PROX2: variants seen among roughly 807,000 people sequenced by gnomAD.
The protein encoded by PROX2 is prospero homeobox protein 2.
A neutral mutation model predicts 48.9 loss-of-function variants in PROX2; 46 were observed. That is an observed-to-expected ratio of 0.94 (90% CI 0.74 to 1.20). The LOEUF (loss-of-function observed/expected upper bound fraction) is 1.20, where lower values mean the gene tolerates loss of function less well. Ranked by LOEUF, PROX2 falls within the 50% of genes most tolerant of loss-of-function variation. PROX2 has a pLI of 0.00. For missense variants in PROX2, 663 were observed against 719.4 expected (o/e 0.92, Z 0.90); for synonymous variants, 260 against 276.6 (o/e 0.94, Z 0.60).
At position 74,857,210 on chromosome 14, in the gene PROX2, A is replaced by G. The variant is rs959888557; in HGVS notation, c.1414-215T>C. On this transcript the variant is annotated intron_variant, in intron 4 of 5. Transcript: ENST00000556489. ...AATTAGCTACAGTGCCCATTAGAAC[A>G]TAACTTTTTTTTGATATGCTAGATT... 2.8e-5 allele frequency: 13 copies of G among 469,308 alleles called. No individual in the cohort carries two copies. The South Asian group carries it at 5.5e-4, about 20-fold the overall frequency. The allele number at this position is 469,308 out of a possible 1,614,324, so 29.1% of individuals were successfully genotyped here. A position where few individuals can be genotyped will look rare whatever the true frequency, so the allele number is the denominator to read the frequency against.
chr14:74,858,639 C>T (rs780479124), intron 3 of PROX2, 125 bp from the exon 4 acceptor site: 1 of 609,816 alleles, frequency 1.6e-6, no homozygotes, highest in Non-Finnish European at 2.9e-6. Flanking sequence ...TGTGTATTTG[C>T]TCCATTTTTC....
In PROX2 at chr14:74,863,337, A is replaced by G. The variant is rs756058004; in HGVS notation, c.498T>C (p.Cys166=). 8.7e-6 allele frequency: 14 copies of G among 1,614,024 alleles called. No individual in the cohort carries two copies. Among genetic ancestry groups the G allele is most frequent in the Non-Finnish European group, 1.2e-5 (14 of 1,179,892 alleles). Residue 166 remains cysteine (C), a synonymous_variant, in exon 3 of 6, where the codon TGT becomes TGC. Coordinates refer to ENST00000556489, the MANE Select transcript of PROX2 (RefSeq NM_001243007.2). ...PRDTAQGPGG[C]GTGKGPLSAK... ...CACTCAGAGGGCCTTTCCCCGTGCC[A>G]CAGCCTCCTGGCCCCTGAGCTGTGT...
intron 2 of PROX2, among the ~76,000 whole-genome samples, chr14:74,868,614 C>G (rs867633040): frequency 6.6e-6 from 1 of 151,326 alleles, no homozygotes; most frequent in Middle Eastern, 3.2e-3. Flanking sequence ...GCAGGCGGAT[C>G]ACGAGGTCAG....
chr14:74,861,206 C>A (rs115463631), intron 3 of PROX2: 1 of 1,352,590 alleles, frequency 7.4e-7, no homozygotes, highest in African/African-American at 1.5e-5. Context: ...CACGACTGTT[C>A]CCACCTGGAT....
chr14:74,870,074 A>T (rs1883172038), intron 2 of PROX2, among the ~76,000 whole-genome samples: 1 of 152,058 alleles, frequency 6.6e-6, no homozygotes, highest in African/African-American at 2.4e-5. Context: ...AGTTTATGTA[A>T]CATTATTTTA....
chr14:74,868,313 T>TTATATATATA (rs4026383), intron 2 of PROX2, among the ~76,000 whole-genome samples: 94 of 53,778 alleles, frequency 1.7e-3, no homozygotes, highest in East Asian at 3.2e-3. Flanking sequence ...TTTCTCGTAA[T>TTATATATATA]TATATATATA....
chr14:74,874,020 T>G (rs139539569), intron 1 of PROX2: 36 of 519,296 alleles, frequency 6.9e-5, no homozygotes, highest in African/African-American at 5.4e-4. Context: ...GTGCCTGTTA[T>G]CTAACAGGAT....
intron 3 of PROX2, 107 bp downstream of exon 3, chr14:74,862,423 T>G: frequency 7.7e-7 from 1 of 1,301,270 alleles, no homozygotes; most frequent in East Asian, 2.4e-5. Context: ...TGAACACCTG[T>G]CCTCAAGTAA....
rs2091803162 is a variant in PROX2, at chr14:74,862,596, G to A, written c.1239C>T (p.Pro413=). ...SAHLESLPLL[P]SVKMEQRGLH... ...GGCCTCTCTGTTCCATCTTCACCGA[G>A]GGAAGAAGGGGTAGACTTTCCAGAT... Residue 413 remains proline, a synonymous_variant, in exon 3 of 6, where the codon CCC becomes CCT. Coordinates refer to ENST00000556489, the MANE Select transcript of PROX2 (RefSeq NM_001243007.2). 3.1e-6 allele frequency: 5 copies of A among 1,613,878 alleles called. No homozygotes were observed. The highest frequency in any genetic ancestry group is 3.4e-6 in the Non-Finnish European group (4 of 1,179,892).
intron 2 of PROX2, among the ~76,000 whole-genome samples, 171 bp downstream of exon 2, chr14:74,870,932 C>T (rs1424166700): frequency 6.6e-6 from 1 of 152,148 alleles, no homozygotes; most frequent in East Asian, 1.9e-4. Flanking sequence ...ATCCCAGCTA[C>T]TTGGGAGGCT....
rs1253490667 is a variant in PROX2, at chr14:74,862,931, T to G, written c.904A>C (p.Asn302His). The G allele has an allele frequency of 1.9e-6, 3 of 1,613,758 alleles. No homozygotes were observed. Among genetic ancestry groups the G allele is most frequent in the Non-Finnish European group, 2.5e-6 (3 of 1,179,846 alleles). ...TCTAGACGCTTGGCCAGTGATAAAT[T>G]TCCTACTGGGACCCCAGCTTGTAGC... ...VQLQAGVPVGNLSLAKRLDSP... is the reference protein window; with the variant it reads ...VQLQAGVPVGHLSLAKRLDSP... The change falls in exon 3 of 6, where the codon AAT becomes CAT. Residue 302 changes from asparagine (N) to histidine (H), a missense_variant. Physicochemically the swap from Asn to His is moderately conservative, Grantham distance 68 (BLOSUM62 1). Coordinates refer to ENST00000556489, the MANE Select transcript of PROX2 (RefSeq NM_001243007.2).
Position 74,863,133 on chromosome 14 carries a change from C to G in PROX2, c.702G>C (p.Val234=). 6.2e-7 allele frequency: 1 copy of G among 1,614,048 alleles called. No homozygotes were observed. The highest frequency in any genetic ancestry group is 1.1e-5 in the South Asian group (1 of 91,090). Residue 234 remains valine (V), a synonymous_variant, in exon 3 of 6, where the codon GTG becomes GTC. Coordinates refer to ENST00000556489, the MANE Select transcript of PROX2 (RefSeq NM_001243007.2). ...GTAATACCGAGTCCACAGCCTGGGA[C>G]ACTGCCCTGGTCAGCTCTTTCCTCA... ...EILRKELTRA[V]SQAVDSVLQK...
At chr14:74,858,777 TTTGTGTGTGTG>T in intron 3 of PROX2, 3 of 361,362 alleles carry the variant, frequency 8.3e-6, no homozygotes, top group South Asian at 8.2e-5. Context: ...GTTGGTGTAT[TTTGTGTGTGTG>T]TGTGTGTGTG....
chr14:74,858,812 TGTC>T (rs2091770156), intron 3 of PROX2: 2 of 178,710 alleles, frequency 1.1e-5, no homozygotes, highest in Non-Finnish European at 2.0e-5. Flanking sequence ...GTGTGTGTGG[TGTC>T]TTAGATGTCA....
chr14:74,867,515 G>A (rs1022318122), intron 2 of PROX2, among the ~76,000 whole-genome samples: 1 of 152,186 alleles, frequency 6.6e-6, no homozygotes, highest in Non-Finnish European at 1.5e-5. Flanking sequence ...GTGCCTGACT[G>A]CCAGATGTTA....
At chr14:74,856,534 G>T in intron 5 of PROX2, 1 of 414,492 alleles carries the variant, frequency 2.4e-6, no homozygotes, top group South Asian at 5.5e-5. Flanking sequence ...TAATGACAGG[G>T]TATTCAGTCT....
At chr14:74,865,367 T>C (rs1883028541) in intron 2 of PROX2, 1 of 152,062 alleles carries the variant, frequency 6.6e-6, no homozygotes, top group Non-Finnish European at 1.5e-5. Flanking sequence ...CAAACAAATA[T>C]ATTTTCAGTG....
rs201578215 is a variant in PROX2, at chr14:74,863,153, T to C, written c.682A>G (p.Lys228Glu). ...TGGGACACTGCCCTGGTCAGCTCTT[T>C]CCTCAGAATCTCTAGTGAAGCTGGT... ...GAPASLEILRKELTRAVSQAV... is the reference protein window; with the variant it reads ...GAPASLEILREELTRAVSQAV... Residue 228 changes from lysine (K) to glutamate (E), a missense_variant, in exon 3 of 6, where the codon AAA becomes GAA. Physicochemically the swap from Lys to Glu is moderately conservative, Grantham distance 56. Coordinates refer to ENST00000556489, the MANE Select transcript of PROX2 (RefSeq NM_001243007.2). 513 of 1,614,044 alleles carry C rather than the reference T, an allele frequency of 3.2e-4. 1 individual carries two copies. Among genetic ancestry groups the C allele is most frequent in the Middle Eastern group, 6.6e-4 (4 of 6,062 alleles).
chr14:74,865,691 C>T (rs1345564574), intron 2 of PROX2, among the ~76,000 whole-genome samples: 1 of 151,642 alleles, frequency 6.6e-6, no homozygotes, highest in South Asian at 2.1e-4. Flanking sequence ...ATTAGCCAGG[C>T]GTGGTGGCGG....
Sources: gnomAD v4.1 joint callset for allele counts (sites outside exome capture counted in the v4.1 genomes callset) on GRCh38, gnomAD v4.1.1 for gene constraint, MANE v1.5 for transcripts, NCBI Gene and HGNC (gene_info 2026-07-23, HGNC 2026-07-21) for gene names.